AGBL4: variants seen among roughly 807,000 people sequenced by gnomAD.
The protein encoded by AGBL4 is AGBL carboxypeptidase 4.
AGBL4 carries 58 observed loss-of-function variants against 66.4 expected under a neutral mutation model. That is an observed-to-expected ratio of 0.87 (90% CI 0.71 to 1.09). The LOEUF is 1.09. AGBL4 is among the 50% of genes least tolerant of loss of function. AGBL4 has a pLI of 0.00. For synonymous variants in AGBL4, 234 were observed against 222.9 expected (o/e 1.05, Z -0.44); for missense variants, 579 against 631.0 (o/e 0.92, Z 0.88).
In AGBL4 at chr1:49,214,694, C is replaced by G. The variant is rs563050593; in HGVS notation, c.377+31076G>C. 1.4e-4 allele frequency among the ~76,000 whole-genome samples: 21 copies of G among 152,212 alleles called. No individual in the cohort carries two copies. In the South Asian group the frequency reaches 2.1e-3, roughly 15 times the overall value. ...TCCTTATATCCAGACACGTTGGAGA[C>G]TATGTTTATAGCAGAAGACTAATTT... On this transcript the variant is annotated intron_variant, in intron 4 of 13. Transcript: ENST00000371839.
intron 4 of AGBL4, among the ~76,000 whole-genome samples, chr1:49,214,026 A>T (rs1648880575): frequency 6.6e-6 from 1 of 152,108 alleles, no homozygotes; most frequent in South Asian, 2.1e-4. Flanking sequence ...GTTTAGCAAT[A>T]ATTTATTAAG....
chr1:49,792,282 C>G (rs946844061), intron 2 of AGBL4, among the ~76,000 whole-genome samples: 2 of 151,566 alleles, frequency 1.3e-5, no homozygotes, highest in Non-Finnish European at 2.9e-5. Context: ...AAAAAGGAAC[C>G]AATTTAGCAT....
At chr1:48,735,019 T>C (rs1402180718) in intron 6 of AGBL4, among the ~76,000 whole-genome samples, 1 of 152,244 alleles carries the variant, frequency 6.6e-6, no homozygotes, top group African/African-American at 2.4e-5. Flanking sequence ...TCAAGTTACT[T>C]AACATTTCTG....
intron 3 of AGBL4, among the ~76,000 whole-genome samples, chr1:49,356,669 G>A (rs1295498802): frequency 6.6e-6 from 1 of 152,158 alleles, no homozygotes; most frequent in Non-Finnish European, 1.5e-5. Flanking sequence ...GGCAACATCA[G>A]GATTGATGGG....
chr1:48,543,238 A>G (rs1247711284), intron 11 of AGBL4, among the ~76,000 whole-genome samples: 1 of 152,174 alleles, frequency 6.6e-6, no homozygotes, highest in Non-Finnish European at 1.5e-5. Flanking sequence ...CATGCAGGGT[A>G]ATATGCAGAG....
At chr1:49,203,740 G>C (rs1363525187) in intron 4 of AGBL4, among the ~76,000 whole-genome samples, 1 of 152,112 alleles carries the variant, frequency 6.6e-6, no homozygotes, top group Non-Finnish European at 1.5e-5. Context: ...GGAGGTGGAG[G>C]CTGAGGTGAG....
intron 2 of AGBL4, among the ~76,000 whole-genome samples, chr1:49,739,104 T>G (rs1650176375): frequency 6.6e-6 from 1 of 152,060 alleles, no homozygotes; most frequent in Admixed American, 6.5e-5. Flanking sequence ...ATCAAACTAC[T>G]CTGAGCTAAA....
At chr1:49,257,812 C>A (rs148438575) in intron 3 of AGBL4, among the ~76,000 whole-genome samples, 1 of 152,220 alleles carries the variant, frequency 6.6e-6, no homozygotes, top group Non-Finnish European at 1.5e-5. Flanking sequence ...GCCATCTTGG[C>A]TCCTCCAGCA....
chr1:49,101,344 C>A (rs1326647538), intron 4 of AGBL4, among the ~76,000 whole-genome samples: 1 of 151,944 alleles, frequency 6.6e-6, no homozygotes, highest in Non-Finnish European at 1.5e-5. Flanking sequence ...GTGGCAGCAT[C>A]CCCAGCTAAT....
intron 4 of AGBL4, among the ~76,000 whole-genome samples, chr1:49,100,328 TAGGA>T (rs1645178258): frequency 1.3e-5 from 2 of 152,148 alleles, no homozygotes; most frequent in African/African-American, 2.4e-5. Context: ...GTAGAGTCCT[TAGGA>T]AGGAACACAA....
At chr1:49,709,019 C>G (rs1029064694) in intron 2 of AGBL4, among the ~76,000 whole-genome samples, 2 of 152,202 alleles carry the variant, frequency 1.3e-5, no homozygotes, top group African/African-American at 4.8e-5. Flanking sequence ...GTCTCTCATG[C>G]AGGAGGCACG....
chr1:49,250,967 C>T (rs984580784), intron 3 of AGBL4, among the ~76,000 whole-genome samples: 4 of 152,160 alleles, frequency 2.6e-5, no homozygotes, highest in African/African-American at 9.7e-5. Context: ...GACCACCATC[C>T]CCCTAGGCTT....
chr1:48,882,384 A>G (rs2148844455), intron 5 of AGBL4, among the ~76,000 whole-genome samples: 1 of 152,214 alleles, frequency 6.6e-6, no homozygotes, highest in Non-Finnish European at 1.5e-5. Context: ...TTTTTCCCTC[A>G]GCTTTACTAA....
At chr1:49,670,565 T>G (rs1646456998) in intron 3 of AGBL4, among the ~76,000 whole-genome samples, 1 of 152,184 alleles carries the variant, frequency 6.6e-6, no homozygotes, top group South Asian at 2.1e-4. Flanking sequence ...GCTATAGGTA[T>G]AGGTTATGAG....
chr1:48,710,450 T>C (rs1435163859), intron 6 of AGBL4, among the ~76,000 whole-genome samples: 1 of 152,160 alleles, frequency 6.6e-6, no homozygotes, highest in Admixed American at 6.5e-5. Flanking sequence ...TGGGGTGGTT[T>C]GCTTGTGGAG....
At chr1:49,591,977 T>C (rs1644759994) in intron 3 of AGBL4, among the ~76,000 whole-genome samples, 1 of 152,028 alleles carries the variant, frequency 6.6e-6, no homozygotes, top group African/African-American at 2.4e-5. Flanking sequence ...CATAAAACTA[T>C]AAAAACCCTG....
At chr1:48,797,307 T>G (rs1275594031) in intron 6 of AGBL4, among the ~76,000 whole-genome samples, 1 of 152,226 alleles carries the variant, frequency 6.6e-6, no homozygotes, top group East Asian at 1.9e-4. Context: ...TCTGAGATTT[T>G]GGTGCACCCA....
In AGBL4 at chr1:49,846,353, A is replaced by T. The variant is rs941557861; in HGVS notation, c.157+5043T>A. On this transcript the variant is annotated intron_variant, in intron 2 of 13. Coordinates refer to ENST00000371839, the MANE Select transcript of AGBL4 (RefSeq NM_032785.4). ...ATGCAGGGACTATGGAAAGACCTTT[A>T]CACACAGCACCTCCCTTACCAAGCA... 2.6e-6 allele frequency: 4 copies of T among 1,539,276 alleles called. No individual in the cohort carries two copies. In the African/African-American group the frequency reaches 4.1e-5, roughly 16 times the overall value.
At chr1:49,133,784 G>A (rs1645949584) in intron 4 of AGBL4, among the ~76,000 whole-genome samples, 1 of 152,056 alleles carries the variant, frequency 6.6e-6, no homozygotes, top group Non-Finnish European at 1.5e-5. Context: ...AATATTTGTT[G>A]CTGAGATAAT....
Sources: allele counts gnomAD v4.1 joint callset (sites outside exome capture counted in the v4.1 genomes callset), GRCh38; gene constraint gnomAD v4.1.1; transcripts MANE v1.5; gene names NCBI Gene and HGNC (gene_info 2026-07-23, HGNC 2026-07-21).